Variants in MCTP1 observed in about 807,000 individuals in gnomAD.
The protein encoded by MCTP1 is multiple C2 and transmembrane domain-containing protein 1.
In MCTP1, 69 loss-of-function variants were observed where a neutral mutation model predicts 120.6. That is an observed-to-expected ratio of 0.57 (90% CI 0.47 to 0.70). The LOEUF is 0.70. Among genes scored for constraint, MCTP1 ranks in the 30% least tolerant of loss-of-function variants. The pLI is 0.00. For missense variants in MCTP1, 1,203 were observed against 1,248.8 expected (o/e 0.96, Z 0.55); for synonymous variants, 529 against 493.1 (o/e 1.07, Z -0.96).
At chr5:94,851,617 T>C (rs1456353390) in intron 17 of MCTP1, among the ~76,000 whole-genome samples, 1 of 152,080 alleles carries the variant, frequency 6.6e-6, no homozygotes, top group Non-Finnish European at 1.5e-5. Context: ...TACTTGATTT[T>C]CGTTTTGAAT....
At chr5:94,890,866 A>G (rs1802422735) in intron 11 of MCTP1, among the ~76,000 whole-genome samples, 1 of 152,250 alleles carries the variant, frequency 6.6e-6, no homozygotes, top group Non-Finnish European at 1.5e-5. Context: ...CACGATCAGC[A>G]CTTCTACTCT....
At chr5:94,717,939 A>G (rs1258412117) in intron 19 of MCTP1, among the ~76,000 whole-genome samples, 2 of 152,120 alleles carry the variant, frequency 1.3e-5, no homozygotes, top group Non-Finnish European at 2.9e-5. Context: ...TGGCCATACT[A>G]CCCAAAGTAA....
chr5:94,853,859 C>A (rs946883352), intron 17 of MCTP1, among the ~76,000 whole-genome samples: 1 of 151,840 alleles, frequency 6.6e-6, no homozygotes, highest in African/African-American at 2.4e-5. Context: ...GGCCTTATTC[C>A]CGCCTCTGGA....
intron 18 of MCTP1, among the ~76,000 whole-genome samples, chr5:94,784,626 C>T (rs921164062): frequency 6.6e-6 from 1 of 151,884 alleles, no homozygotes; most frequent in Non-Finnish European, 1.5e-5. Flanking sequence ...CAGTACATCT[C>T]GAAAGCAACT....
intron 19 of MCTP1, among the ~76,000 whole-genome samples, chr5:94,778,778 G>C (rs1462657786): frequency 6.6e-6 from 1 of 152,046 alleles, no homozygotes; most frequent in Non-Finnish European, 1.5e-5. Context: ...GGCCCGATTT[G>C]TAATACTCAA....
intron 1 of MCTP1, among the ~76,000 whole-genome samples, chr5:95,169,629 G>T (rs1024689270): frequency 6.6e-6 from 1 of 152,126 alleles, no homozygotes. Flanking sequence ...TCTTGGGAGG[G>T]TGTATGTGTC....
intron 2 of MCTP1, among the ~76,000 whole-genome samples, chr5:94,965,546 G>A (rs1158013216): frequency 2.6e-5 from 4 of 151,994 alleles, no homozygotes; most frequent in Non-Finnish European, 4.4e-5. Flanking sequence ...GTCTTTCTGT[G>A]ACTGGACAAG....
chr5:95,075,871 T>G (rs913307356), intron 1 of MCTP1, among the ~76,000 whole-genome samples: 10 of 152,206 alleles, frequency 6.6e-5, no homozygotes, highest in Non-Finnish European at 1.5e-4. Flanking sequence ...CAAAAACTCT[T>G]GAATATTCAT....
chr5:94,913,071 A>C (rs1221745772), intron 8 of MCTP1, 95 bp from the exon 9 acceptor site: 2 of 714,360 alleles, frequency 2.8e-6, no homozygotes, highest in Admixed American at 6.0e-5. Context: ...TTCTTCAAAA[A>C]ATAAAGGATC....
At chr5:94,804,599 C>T (rs969158505) in intron 17 of MCTP1, among the ~76,000 whole-genome samples, 13 of 152,008 alleles carry the variant, frequency 8.6e-5, no homozygotes, top group South Asian at 2.1e-4. Flanking sequence ...CCACCACGCC[C>T]GGCTAATTTT....
chr5:95,095,954 T>G (rs1756234513), intron 1 of MCTP1, among the ~76,000 whole-genome samples: 1 of 152,058 alleles, frequency 6.6e-6, no homozygotes, highest in South Asian at 2.1e-4. Flanking sequence ...AAACGAGACC[T>G]CCAAGGAGAT....
intron 1 of MCTP1, among the ~76,000 whole-genome samples, chr5:95,192,242 G>A (rs1749905432): frequency 6.6e-6 from 1 of 151,872 alleles, no homozygotes; most frequent in Admixed American, 6.6e-5. Context: ...ATGTGGTGAG[G>A]CATGTATGTA....
rs189451140 is a variant in MCTP1, at chr5:94,721,924, T to A, written c.2611-7038A>T. On this transcript the variant is annotated intron_variant, in intron 19 of 22. Transcript: ENST00000515393. ...ATATCCACAACAACAGCTATAACCA[T>A]GAATCTGAGAATATGTGAGATTTAT... is the stretch of plus-strand genomic sequence containing the variant. 9.3e-5 allele frequency among the ~76,000 whole-genome samples: 14 copies of A among 151,284 alleles called. No homozygotes were observed. In the East Asian group the frequency reaches 2.5e-3, roughly 27 times the overall value.
chr5:95,114,387 T>C (rs1377206799), intron 1 of MCTP1, among the ~76,000 whole-genome samples: 1 of 152,200 alleles, frequency 6.6e-6, no homozygotes, highest in Non-Finnish European at 1.5e-5. Flanking sequence ...TTGGATGGCA[T>C]CCTTCGACCT....
chr5:94,949,523 GTGTAGTTTTTTTTAATGA>G (rs1819946565), intron 3 of MCTP1, among the ~76,000 whole-genome samples: 1 of 151,688 alleles, frequency 6.6e-6, no homozygotes, highest in South Asian at 2.1e-4. Context: ...TTTTTATTTT[GTGTAGTTTTTTTTAATGA>G]CAGTTCCAAG....
At chr5:94,980,405 G>A (rs1829137715) in intron 2 of MCTP1, among the ~76,000 whole-genome samples, 1 of 152,046 alleles carries the variant, frequency 6.6e-6, no homozygotes, top group African/African-American at 2.4e-5. Flanking sequence ...AGTAACATAT[G>A]ACACATGATC....
Position 95,228,689 on chromosome 5 carries a change from T to C in MCTP1, c.720+55167A>G, listed in dbSNP as rs560726695. Among the ~76,000 whole-genome samples, 510 of 152,264 alleles carry C rather than the reference T, an allele frequency of 3.3e-3. 1 individual carries two copies. The highest frequency in any genetic ancestry group is 8.1e-3 in the South Asian group (39 of 4,822). On this transcript the variant is annotated intron_variant, in intron 1 of 22. Transcript: ENST00000515393. ...GGCCTGGTGGGAGGTGATTAAATCA[T>C]GGGGCAGATTTCTCATAAGTGGTTT...
chr5:95,123,854 C>T (rs1250749243), intron 1 of MCTP1, among the ~76,000 whole-genome samples: 1 of 152,116 alleles, frequency 6.6e-6, no homozygotes, highest in East Asian at 1.9e-4. Context: ...TTTCACCATA[C>T]TAGCCAGGAT....
Position 95,148,596 on chromosome 5 carries a change from T to G in MCTP1, c.721-131112A>C, listed in dbSNP as rs537397929. Among the ~76,000 whole-genome samples, 103 of 152,206 alleles carry G rather than the reference T, an allele frequency of 6.8e-4. 1 individual carries two copies. Among genetic ancestry groups the G allele is most frequent in the Admixed American group, 1.7e-3 (26 of 15,276 alleles). On this transcript the variant is annotated intron_variant, in intron 1 of 22. Coordinates refer to ENST00000515393, the MANE Select transcript of MCTP1 (RefSeq NM_024717.7). ...ATTTCATTTTTCAGCTCTTGGATCATTTTACTGGATTCCTTGGATTCCTTG... is the reference window on the plus strand; with the variant it reads ...ATTTCATTTTTCAGCTCTTGGATCAGTTTACTGGATTCCTTGGATTCCTTG...
Sources: gnomAD v4.1 joint callset for allele counts (sites outside exome capture counted in the v4.1 genomes callset) on GRCh38, gnomAD v4.1.1 for gene constraint, MANE v1.5 for transcripts, NCBI Gene and HGNC (gene_info 2026-07-23, HGNC 2026-07-21) for gene names.